The following ERICH3 variants were observed in gnomAD, a reference collection of about 807,000 sequenced individuals.
ERICH3 encodes glutamate rich 3.
ERICH3 carries 126 observed loss-of-function variants against 131.1 expected under a neutral mutation model. The ratio of observed to expected loss-of-function variants is 0.96; its 90% CI spans 0.83 to 1.11. ERICH3 has a LOEUF of 1.11. Ranked by LOEUF, ERICH3 falls within the 50% of genes most tolerant of loss-of-function variation. The pLI is 0.00. For synonymous variants in ERICH3, 695 were observed against 644.6 expected, an observed-to-expected ratio of 1.08 and a Z score of -1.18; for missense variants, 2,050 against 1,810.7, an observed-to-expected ratio of 1.13 and a Z score of -2.40.
Position 74,590,024 on chromosome 1 carries a change from C to T in ERICH3, c.1783G>A (p.Glu595Lys). 1 of 1,613,800 alleles carries T rather than the reference C, an allele frequency of 6.2e-7. No homozygotes were observed. The highest frequency in any genetic ancestry group is 8.5e-7 in the Non-Finnish European group (1 of 1,179,868). The change falls in exon 12 of 15, where the codon GAG (glutamate) becomes AAG (lysine). Residue 595 changes from glutamate to lysine, a missense_variant. Coordinates refer to ENST00000326665, the MANE Select transcript of ERICH3 (RefSeq NM_001002912.5). The stretch of plus-strand genomic sequence containing the variant: ...CTGTCCCCCACTGCAGATTCATCCT[C>T]ACTGTCACTAGAATAAGGGTGACTT... Reference protein sequence around the residue: ...SRSHPYSSDSEDESAVGDREA... With the variant: ...SRSHPYSSDSKDESAVGDREA...
chr1:74,587,566 C>A (rs948778260), intron 12 of ERICH3, among the ~76,000 whole-genome samples: 1 of 152,086 alleles, frequency 6.6e-6, no homozygotes, highest in African/African-American at 2.4e-5. Context: ...CATAGTGCTA[C>A]ATCTCTGATA....
At chr1:74,613,309 G>C (rs1436768537) in intron 8 of ERICH3, among the ~76,000 whole-genome samples, 1 of 152,074 alleles carries the variant, frequency 6.6e-6, no homozygotes, top group African/African-American at 2.4e-5. Flanking sequence ...TTATTATCTT[G>C]TTATTTTTCA....
chr1:74,606,996 T>C (rs1648432684), intron 9 of ERICH3, 94 bp from the exon 10 acceptor site: 3 of 1,177,006 alleles, frequency 2.5e-6, no homozygotes, highest in African/African-American at 3.1e-5. Context: ...CTTATTCCAG[T>C]AAAAAAAGAC....
chr1:74,585,126 T>C (rs1481051867), intron 12 of ERICH3, among the ~76,000 whole-genome samples: 1 of 152,198 alleles, frequency 6.6e-6, no homozygotes, highest in Non-Finnish European at 1.5e-5. Context: ...TTATGATGTA[T>C]AAATTAAATT....
intron 5 of ERICH3, among the ~76,000 whole-genome samples, chr1:74,639,647 G>T (rs1646420490): frequency 6.6e-6 from 1 of 152,168 alleles, no homozygotes; most frequent in Non-Finnish European, 1.5e-5. Context: ...CAGTGTGGGT[G>T]AATGTTCCAA....
At chr1:74,668,748 A>C (rs578141009) in intron 1 of ERICH3, among the ~76,000 whole-genome samples, 1 of 152,326 alleles carries the variant, frequency 6.6e-6, no homozygotes, top group Non-Finnish European at 1.5e-5. Context: ...GGAAGCCACA[A>C]CAAATAAGCC....
intron 1 of ERICH3, among the ~76,000 whole-genome samples, chr1:74,650,165 C>T (rs12096336): frequency 0.51 from 77,779 of 151,886 alleles, 20,575 homozygotes; most frequent in African/African-American, 0.6. Flanking sequence ...AAGTGTTAAC[C>T]TCCTTATATA....
At position 74,589,951 on chromosome 1, in the gene ERICH3, G is replaced by A. The variant is rs1327637288; in HGVS notation, c.1856C>T (p.Ser619Phe). ...SSTDESARRS[S>F]SQELSENDKP... is the part of the protein sequence containing the mutation. ...ATCATTTTCACTCAGTTCCTGAGAA[G>A]ATGACCTTCTGGCACTTTCATCTGT... The change falls in exon 12 of 15, where the codon TCT becomes TTT. Residue 619 changes from serine (S) to phenylalanine (F), a missense_variant. Ser to Phe is a radical substitution (Grantham distance 155). Coordinates refer to ENST00000326665, the MANE Select transcript of ERICH3 (RefSeq NM_001002912.5). 1 of 1,613,960 alleles carries A rather than the reference G, an allele frequency of 6.2e-7. No individual in the cohort carries two copies. Among genetic ancestry groups the A allele is most frequent in the African/African-American group, 1.3e-5 (1 of 74,932 alleles).
chr1:74,628,795 A>G (rs1275057905), intron 7 of ERICH3, among the ~76,000 whole-genome samples: 1 of 152,120 alleles, frequency 6.6e-6, no homozygotes, highest in Admixed American at 6.6e-5. Flanking sequence ...GGATCTCCTC[A>G]CCAGTAAGAT....
chr1:74,662,492 G>T (rs537192327), intron 1 of ERICH3, among the ~76,000 whole-genome samples: 15 of 152,000 alleles, frequency 9.9e-5, no homozygotes, highest in Admixed American at 6.6e-5. Flanking sequence ...TTTTATAAAG[G>T]CTTAGGAGAT....
intron 9 of ERICH3, 127 bp from the exon 10 acceptor site, chr1:74,607,029 A>T (rs746741149): frequency 1.0e-5 from 7 of 667,478 alleles, no homozygotes; most frequent in African/African-American, 7.4e-5. Flanking sequence ...TGATTACAGT[A>T]CACACTAATA....
chr1:74,620,800 T>C lies in ERICH3; in HGVS notation c.934A>G (p.Lys312Glu). 9 of 1,613,570 alleles carry C rather than the reference T, an allele frequency of 5.6e-6. No individual in the cohort carries two copies. Among genetic ancestry groups the C allele is most frequent in the Non-Finnish European group, 7.6e-6 (9 of 1,179,734 alleles). Residue 312 changes from lysine to glutamate, a missense_variant, in exon 8 of 15, where the codon AAA becomes GAA. Transcript: ENST00000326665. ...CCACCACAGTGCTGCTGATAAACTT[T>C]AATTTCATCCCGGAAGTCAGGATTA... Reference protein sequence around the residue: ...SDNPDFRDEIKVYQQHCGGEN... With the variant: ...SDNPDFRDEIEVYQQHCGGEN...
intron 10 of ERICH3, among the ~76,000 whole-genome samples, chr1:74,600,786 G>A (rs555300778): frequency 1.3e-5 from 2 of 151,870 alleles, no homozygotes; most frequent in South Asian, 2.1e-4. Context: ...GAGAGCAAAA[G>A]GATCTCATGC....
chr1:74,668,999 T>C (rs1646717457), intron 1 of ERICH3, among the ~76,000 whole-genome samples: 1 of 152,182 alleles, frequency 6.6e-6, no homozygotes, highest in Admixed American at 6.5e-5. Flanking sequence ...CGTATGCTAC[T>C]TAAGAATGCA....
chr1:74,579,856 C>A, intron 12 of ERICH3: 1 of 984,938 alleles, frequency 1.0e-6, no homozygotes, highest in Non-Finnish European at 1.2e-6. Flanking sequence ...TGTCAGTTCT[C>A]ACAGCATTAG....
At chr1:74,653,429 G>C (rs1646555942) in intron 1 of ERICH3, among the ~76,000 whole-genome samples, 1 of 151,558 alleles carries the variant, frequency 6.6e-6, no homozygotes, top group African/African-American at 2.4e-5. Flanking sequence ...ACGAGAGAGA[G>C]AGAGAGAGAG....
chr1:74,656,761 G>T (rs1379143605), intron 1 of ERICH3, among the ~76,000 whole-genome samples: 1 of 152,150 alleles, frequency 6.6e-6, no homozygotes, highest in African/African-American at 2.4e-5. Context: ...CTAAAAGTAG[G>T]GAGGGTTCAT....
intron 14 of ERICH3, among the ~76,000 whole-genome samples, chr1:74,570,804 T>C (rs1349502960): frequency 6.6e-6 from 1 of 152,152 alleles, no homozygotes; most frequent in African/African-American, 2.4e-5. Flanking sequence ...CTGTATTTTC[T>C]CTTTGGGGGT....
Position 74,620,782 on chromosome 1 carries a change from A to G in ERICH3, c.952T>C (p.Cys318Arg). 3.1e-6 allele frequency: 5 copies of G among 1,613,052 alleles called. No individual in the cohort carries two copies. The South Asian group carries it at 5.5e-5, about 18-fold the overall frequency. ...RDEIKVYQQH[C>R]GGENLCVYKG... ...TAGACACAAAGGTTTTCCCCACCAC[A>G]GTGCTGCTGATAAACTTTAATTTCA... Residue 318 changes from cysteine (C) to arginine (R), a missense_variant, in exon 8 of 15, where the codon TGT becomes CGT. By Grantham distance (180) the Cys-to-Arg change is radical (BLOSUM62 -3). Coordinates refer to ENST00000326665, the MANE Select transcript of ERICH3 (RefSeq NM_001002912.5).
Sources: allele counts gnomAD v4.1 joint callset (sites outside exome capture counted in the v4.1 genomes callset), GRCh38; gene constraint gnomAD v4.1.1; transcripts MANE v1.5; gene names NCBI Gene and HGNC (gene_info 2026-07-23, HGNC 2026-07-21).